The following ESYT3 variants were observed in gnomAD, a reference collection of about 807,000 sequenced individuals.
ESYT3 encodes the protein extended synaptotagmin-3.
ESYT3 carries 101 observed loss-of-function variants against 111.5 expected under a neutral mutation model. That is an observed-to-expected ratio of 0.91 (90% CI 0.77 to 1.07). The LOEUF (loss-of-function observed/expected upper bound fraction) is 1.07. Ranked by LOEUF, ESYT3 falls within the 50% of genes least tolerant of loss-of-function variation. The pLI, the probability that ESYT3 is intolerant of heterozygous loss-of-function variation, is 0.00. For missense variants in ESYT3, 1,097 were observed against 1,109.4 expected (o/e 0.99, Z 0.16); for synonymous variants, 416 against 446.8 (o/e 0.93, Z 0.87).
At chr3:138,442,122 T>G (rs915355838) in intron 1 of ESYT3, among the ~76,000 whole-genome samples, 2 of 151,452 alleles carry the variant, frequency 1.3e-5, no homozygotes, top group Non-Finnish European at 2.9e-5. Context: ...AAAATGTGTT[T>G]TTTTTTTTCT....
chr3:138,447,759 C>T (rs549113801), intron 1 of ESYT3, among the ~76,000 whole-genome samples: 1 of 151,982 alleles, frequency 6.6e-6, no homozygotes, highest in Admixed American at 6.6e-5. Flanking sequence ...AAAATTTGAT[C>T]CTAAATGTGA....
intron 1 of ESYT3, among the ~76,000 whole-genome samples, chr3:138,449,485 AG>A (rs2031786930): frequency 6.6e-6 from 1 of 152,068 alleles, no homozygotes; most frequent in African/African-American, 2.4e-5. Flanking sequence ...TCATACCAGG[AG>A]CTTGTGAAAA....
At chr3:138,455,502 T>C (rs1308494441) in intron 3 of ESYT3, among the ~76,000 whole-genome samples, 174 bp downstream of exon 3, 1 of 152,004 alleles carries the variant, frequency 6.6e-6, no homozygotes, top group East Asian at 1.9e-4. Context: ...TCAGCCTCAG[T>C]AGACACCCTT....
In ESYT3 at chr3:138,467,729, C is replaced by T. The variant is rs938327606; in HGVS notation, c.1218+120C>T. The T allele has an allele frequency of 4.3e-6, 4 of 920,724 alleles. No homozygotes were observed. In the South Asian group the frequency reaches 4.8e-5, roughly 11 times the overall value. 57.0% of individuals were successfully genotyped at this position (920,724 alleles called of 1,614,324 possible). A position where few individuals can be genotyped will look rare whatever the true frequency, so the allele number is the denominator to read the frequency against. On this transcript the variant is annotated intron_variant, in intron 11 of 22. Transcript: ENST00000389567. ...CTGTGGTCCCCCTCTGTGCTAGGCT[C>T]CATCCTCAGGGCAAGAGCTGGGTGA... is the stretch of plus-strand genomic sequence containing the variant.
intron 2 of ESYT3, among the ~76,000 whole-genome samples, chr3:138,454,921 A>C (rs2032177685): frequency 6.6e-6 from 1 of 152,224 alleles, no homozygotes; most frequent in South Asian, 2.1e-4. Context: ...GTAGTGAATG[A>C]GTATTTCTTG....
chr3:138,469,973 C>T, intron 15 of ESYT3, 87 bp from the exon 16 acceptor site: 1 of 1,156,804 alleles, frequency 8.6e-7, no homozygotes, highest in Non-Finnish European at 1.2e-6. Context: ...CCAATGGTAC[C>T]TGGTGGCCAG....
intron 7 of ESYT3, 123 bp from the exon 8 acceptor site, chr3:138,461,963 G>A: frequency 7.0e-7 from 1 of 1,424,778 alleles, no homozygotes; most frequent in South Asian, 1.2e-5. Flanking sequence ...TGGGGTCAGG[G>A]CTGTTCTCTA....
Position 138,477,092 on chromosome 3 carries a change from C to T in ESYT3, c.*238C>T. On this transcript the variant is annotated 3_prime_UTR_variant, in exon 23 of 23. Transcript: ENST00000389567. ...TTGGTTGGATTTTTTTGTTCAAGTC[C>T]AGAAAGAAATGTTATATTTGTGCCT... 2 of 405,074 alleles carry T rather than the reference C, an allele frequency of 4.9e-6. No individual in the cohort carries two copies. The highest frequency in any genetic ancestry group is 3.9e-5 in the South Asian group (1 of 25,360). 25.1% of individuals were successfully genotyped at this position (405,074 alleles called of 1,614,324 possible).
Position 138,478,875 on chromosome 3 carries a change from A to ACAT in ESYT3, c.*2026_*2028dup, listed in dbSNP as rs1171672301. On this transcript the variant is annotated 3_prime_UTR_variant, in exon 23 of 23. Transcript: ENST00000389567. ...TGCAGGAGCATAGGGTCTGAAGTTA[A>ACAT]CATCATCTTGGTACAGAAACCCCCA... 6.6e-6 allele frequency: 1 copy of ACAT among 152,106 alleles called. No individual in the cohort carries two copies. The highest frequency in any genetic ancestry group is 2.4e-5 in the African/African-American group (1 of 41,358). 9.4% of individuals were successfully genotyped at this position (152,106 alleles called of 1,614,324 possible).
chr3:138,436,975 A>C (rs562134422), intron 1 of ESYT3, among the ~76,000 whole-genome samples: 1 of 151,774 alleles, frequency 6.6e-6, no homozygotes, highest in East Asian at 1.9e-4. Flanking sequence ...CCCCACATAC[A>C]CCACAGAGAC....
intron 18 of ESYT3, 141 bp downstream of exon 18, chr3:138,473,000 TAGAA>T: frequency 6.7e-7 from 1 of 1,495,378 alleles, no homozygotes. Flanking sequence ...CATGGTGTGG[TAGAA>T]AGAACACAGG....
intron 10 of ESYT3, among the ~76,000 whole-genome samples, chr3:138,467,125 T>C (rs1456748251): frequency 6.6e-6 from 1 of 152,150 alleles, no homozygotes; most frequent in Admixed American, 6.5e-5. Flanking sequence ...GATTTGGAAA[T>C]GAAGGGGCAT....
chr3:138,438,471 G>A (rs1252435068), intron 1 of ESYT3, among the ~76,000 whole-genome samples: 1 of 152,162 alleles, frequency 6.6e-6, no homozygotes, highest in East Asian at 1.9e-4. Context: ...CCAACTCCCT[G>A]TGAAGGAGTG....
intron 6 of ESYT3, among the ~76,000 whole-genome samples, 165 bp from the exon 7 acceptor site, chr3:138,460,446 G>A (rs1173709332): frequency 2.6e-5 from 4 of 152,182 alleles, no homozygotes; most frequent in African/African-American, 7.2e-5. Context: ...GGGTGGCCTC[G>A]CCTGCCTGAC....
At chr3:138,436,888 T>C (rs2030742926) in intron 1 of ESYT3, among the ~76,000 whole-genome samples, 1 of 152,210 alleles carries the variant, frequency 6.6e-6, no homozygotes, top group Non-Finnish European at 1.5e-5. Flanking sequence ...GACACTGAGC[T>C]ATATGTAAAG....
At position 138,462,313 on chromosome 3, in the gene ESYT3, A is replaced by C. The variant is rs1285302334; in HGVS notation, c.915+107A>C. The C allele has an allele frequency of 1.7e-5, 26 of 1,486,078 alleles. No individual in the cohort carries two copies. In the East Asian group the frequency reaches 6.1e-4, roughly 35 times the overall value. 92.1% of individuals were successfully genotyped at this position (1,486,078 alleles called of 1,614,324 possible). ...GCTTTATTTCACACTAATGCTTGAC[A>C]GTCCCAGAAAAATGGTACAAACACC... On this transcript the variant is annotated intron_variant, in intron 8 of 22. Transcript: ENST00000389567.
Position 138,472,531 on chromosome 3 carries a change from A to G in ESYT3, c.1909A>G (p.Thr637Ala), listed in dbSNP as rs2033275616. The stretch of plus-strand genomic sequence containing the variant: ...ATGTCCCCCAGACCCTGCTTCTGAT[A>G]CTAAGGACGTATCCAGGAGTACCAC... ...LPCPPDPASD[T>A]KDVSRSTTTT... Residue 637 changes from threonine to alanine, a missense_variant, in exon 18 of 23, where the codon ACT (threonine) becomes GCT (alanine). Thr to Ala is a moderately conservative substitution (Grantham distance 58, BLOSUM62 0). Transcript: ENST00000389567. The G allele has an allele frequency of 1.2e-6, 2 of 1,614,240 alleles. No individual in the cohort carries two copies. The highest frequency in any genetic ancestry group is 1.7e-6 in the Non-Finnish European group (2 of 1,180,034).
At chr3:138,453,005 G>C (rs1187987131) in intron 2 of ESYT3, among the ~76,000 whole-genome samples, 1 of 152,208 alleles carries the variant, frequency 6.6e-6, no homozygotes, top group African/African-American at 2.4e-5. Flanking sequence ...GATCGTTTCA[G>C]CCTAGGAGTT....
At chr3:138,446,833 C>T (rs1014710024) in intron 1 of ESYT3, among the ~76,000 whole-genome samples, 1 of 152,148 alleles carries the variant, frequency 6.6e-6, no homozygotes, top group African/African-American at 2.4e-5. Context: ...TGAGACTAGC[C>T]TGTGTAACAT....
Sources: allele counts gnomAD v4.1 joint callset (sites outside exome capture counted in the v4.1 genomes callset), GRCh38; gene constraint gnomAD v4.1.1; transcripts MANE v1.5; gene names NCBI Gene and HGNC (gene_info 2026-07-23, HGNC 2026-07-21).